The following RNF115 variants were observed in gnomAD, a reference collection of about 807,000 sequenced individuals.
RNF115 encodes E3 ubiquitin-protein ligase RNF115.
In RNF115, 31 loss-of-function variants were observed where a neutral mutation model predicts 39.2. The ratio of observed to expected loss-of-function variants is 0.79; its 90% CI spans 0.59 to 1.07. The LOEUF (loss-of-function observed/expected upper bound fraction) is 1.07, where lower values mean the gene tolerates loss of function less well. RNF115 is among the 50% of genes least tolerant of loss of function. The pLI is 0.00. For missense variants in RNF115, 384 were observed against 381.7 expected, an observed-to-expected ratio of 1.01 and a Z score of -0.05; for synonymous variants, 124 against 131.0, an observed-to-expected ratio of 0.95 and a Z score of 0.37.
At chr1:145,789,083 G>T (rs587770087) in intron 1 of RNF115, 117 bp from the exon 2 acceptor site, 2 of 649,154 alleles carry the variant, frequency 3.1e-6, no homozygotes, top group Non-Finnish European at 5.4e-6. Context: ...CTATGTACTC[G>T]CTGACTCAAG....
chr1:145,796,013 G>C (rs1330748093), intron 1 of RNF115, among the ~76,000 whole-genome samples: 1 of 152,126 alleles, frequency 6.6e-6, no homozygotes, highest in Non-Finnish European at 1.5e-5. Flanking sequence ...TCTGATTTCA[G>C]AACAAAGTCT....
intron 3 of RNF115, among the ~76,000 whole-genome samples, chr1:145,774,764 GTCTTA>G (rs1647800935): frequency 2.0e-5 from 3 of 152,010 alleles, no homozygotes; most frequent in East Asian, 1.9e-4. Flanking sequence ...TCTCTTTTAT[GTCTTA>G]TCTTGTTTCA....
chr1:145,748,077 T>C lies in RNF115; in HGVS notation c.701A>G (p.Asp234Gly). The C allele has an allele frequency of 3.7e-6, 6 of 1,613,614 alleles. No homozygotes were observed. Among genetic ancestry groups the C allele is most frequent in the Non-Finnish European group, 5.1e-6 (6 of 1,179,598 alleles). Residue 234 changes from aspartate to glycine, a missense_variant, in exon 8 of 9, where the codon GAT becomes GGT. Physicochemically the swap from Asp to Gly is moderately conservative, Grantham distance 94. Coordinates refer to ENST00000582693, the MANE Select transcript of RNF115 (RefSeq NM_014455.4). ...CCGGACTTCCTCTTCAACTGTGTAA[T>C]CTTCTTTGCATACTGGACACTCTAA... ...MGLECPVCKE[D>G]YTVEEEVRQL...
chr1:145,754,027 T>A (rs1251913812), intron 4 of RNF115, among the ~76,000 whole-genome samples: 1 of 152,044 alleles, frequency 6.6e-6, no homozygotes, highest in Non-Finnish European at 1.5e-5. Context: ...CAATTTTAAG[T>A]CCCTGGTTCC....
chr1:145,784,461 A>G (rs1648287302), intron 3 of RNF115, 78 bp downstream of exon 3: 10 of 1,248,990 alleles, frequency 8.0e-6, no homozygotes, highest in Middle Eastern at 1.9e-4. Context: ...GTTGTGCCAC[A>G]CTGGAAAGTT....
At chr1:145,783,082 C>T (rs1248365087) in intron 3 of RNF115, among the ~76,000 whole-genome samples, 1 of 152,112 alleles carries the variant, frequency 6.6e-6, no homozygotes, top group Non-Finnish European at 1.5e-5. Context: ...AGGCTGGTCT[C>T]GAACTCCAGA....
chr1:145,820,294 A>C (rs2101617494), intron 1 of RNF115, among the ~76,000 whole-genome samples: 1 of 151,778 alleles, frequency 6.6e-6, no homozygotes, highest in African/African-American at 2.4e-5. Flanking sequence ...GCAAAATCCC[A>C]TCTCTACAAA....
chr1:145,755,687 G>T (rs1658268708), intron 4 of RNF115, among the ~76,000 whole-genome samples: 1 of 152,098 alleles, frequency 6.6e-6, no homozygotes. Flanking sequence ...TGGGGCAGAA[G>T]TTAAAAGGAC....
At chr1:145,779,227 T>G (rs1441614668) in intron 3 of RNF115, among the ~76,000 whole-genome samples, 3 of 150,816 alleles carry the variant, frequency 2.0e-5, no homozygotes, top group African/African-American at 7.3e-5. Flanking sequence ...CAGGCTGGGG[T>G]GCAGTGGCAC....
At chr1:145,752,708 C>T (rs1039620697) in intron 5 of RNF115, among the ~76,000 whole-genome samples, 20 of 151,316 alleles carry the variant, frequency 1.3e-4, no homozygotes, top group African/African-American at 4.9e-4. Flanking sequence ...CCTGCCTCAG[C>T]CTCCGAGTAG....
At chr1:145,812,660 T>TC (rs1649786253) in intron 1 of RNF115, among the ~76,000 whole-genome samples, 1 of 98,422 alleles carries the variant, frequency 1.0e-5, no homozygotes, top group East Asian at 4.0e-4. Context: ...GCTTCAGGTC[T>TC]CAAAAAAAAA....
At chr1:145,795,239 C>T (rs1648916544) in intron 1 of RNF115, among the ~76,000 whole-genome samples, 2 of 151,974 alleles carry the variant, frequency 1.3e-5, no homozygotes, top group Admixed American at 1.3e-4. Context: ...GGAATGAAGC[C>T]ACAGACCCTC....
At chr1:145,761,065 T>G (rs1436120383) in intron 4 of RNF115, among the ~76,000 whole-genome samples, 2 of 152,128 alleles carry the variant, frequency 1.3e-5, no homozygotes, top group African/African-American at 4.8e-5. Flanking sequence ...AACTTTGAAC[T>G]TGAGAGAGAT....
At position 145,745,727 on chromosome 1, in the gene RNF115, T is replaced by G. The variant is rs1287596067; in HGVS notation, c.*1139A>C. On this transcript the variant is annotated 3_prime_UTR_variant, in exon 9 of 9. Transcript: ENST00000582693. Reference sequence around the variant, plus strand: ...GCCTCGGCCTCCCAAAGTGCTGGGATTACAGGCGTGAGCCACCGCGCCCAG... The same window carrying G: ...GCCTCGGCCTCCCAAAGTGCTGGGAGTACAGGCGTGAGCCACCGCGCCCAG... The G allele has an allele frequency of 1.3e-5, 2 of 150,076 alleles. No individual in the cohort carries two copies. The highest frequency in any genetic ancestry group is 3.0e-5 in the Non-Finnish European group (2 of 67,700). 9.3% of individuals were successfully genotyped at this position (150,076 alleles called of 1,614,324 possible).
In RNF115 at chr1:145,739,072, C is replaced by G. The variant is rs1373501219; in HGVS notation, c.*7794G>C. On this transcript the variant is annotated 3_prime_UTR_variant, in exon 9 of 9. Transcript: ENST00000582693. ...AGATTTGTGCAGACCAAGAGCACCA[C>G]AGACTACAACTGCCCAGCTTCATCT... 1 of 152,850 alleles carries G rather than the reference C, an allele frequency of 6.5e-6. No homozygotes were observed. Among genetic ancestry groups the G allele is most frequent in the Non-Finnish European group, 1.5e-5 (1 of 68,218 alleles). 9.5% of individuals were successfully genotyped at this position (152,850 alleles called of 1,614,324 possible).
chr1:145,773,060 A>T (rs1647712553), intron 3 of RNF115: 2 of 152,128 alleles, frequency 1.3e-5, no homozygotes, highest in Non-Finnish European at 2.9e-5. Flanking sequence ...ACTTTTAAAA[A>T]TTTCTCTTTA....
chr1:145,754,231 A>T (rs10797660), intron 4 of RNF115, among the ~76,000 whole-genome samples: 71,400 of 152,072 alleles, frequency 0.47, 17,135 homozygotes, highest in East Asian at 0.7. Flanking sequence ...TGAAATATGT[A>T]TGCATTGTGG....
chr1:145,756,315 C>T (rs2101477288), intron 4 of RNF115, among the ~76,000 whole-genome samples: 1 of 152,172 alleles, frequency 6.6e-6, no homozygotes, highest in South Asian at 2.1e-4. Flanking sequence ...CAAAAATTAG[C>T]CGGGCATGGT....
intron 1 of RNF115, among the ~76,000 whole-genome samples, chr1:145,807,644 G>A (rs1553721793): frequency 1.3e-5 from 2 of 152,054 alleles, no homozygotes; most frequent in Admixed American, 6.5e-5. Context: ...GGCATTTAGG[G>A]CATCTATCAC....
Sources: gnomAD v4.1 joint callset for allele counts (sites outside exome capture counted in the v4.1 genomes callset) on GRCh38, gnomAD v4.1.1 for gene constraint, MANE v1.5 for transcripts, NCBI Gene and HGNC (gene_info 2026-07-23, HGNC 2026-07-21) for gene names.